MYRIP: variants seen among roughly 807,000 people sequenced by gnomAD.
MYRIP encodes the protein rab effector MyRIP.
A neutral mutation model predicts 98.0 loss-of-function variants in MYRIP; 49 were observed. The ratio of observed to expected loss-of-function variants is 0.50; its 90% CI spans 0.40 to 0.63. MYRIP has a LOEUF of 0.63. Ranked by LOEUF, MYRIP falls within the 30% of genes least tolerant of loss-of-function variation. The probability of loss-of-function intolerance (pLI) is 0.00; values close to 1 mark genes in which losing one functional copy is unlikely to be tolerated. For synonymous variants in MYRIP, 404 were observed against 409.5 expected (o/e 0.99, Z 0.16); for missense variants, 1,004 against 1,058.2 (o/e 0.95, Z 0.71).
At chr3:40,257,793 T>A (rs1442405370) in intron 16 of MYRIP, among the ~76,000 whole-genome samples, 5 of 152,074 alleles carry the variant, frequency 3.3e-5, no homozygotes, top group African/African-American at 9.7e-5. Flanking sequence ...CAACCACATA[T>A]GAGAATGTGT....
chr3:40,037,785 C>A (rs1322093280), intron 2 of MYRIP, among the ~76,000 whole-genome samples: 5 of 152,040 alleles, frequency 3.3e-5, no homozygotes, highest in Admixed American at 6.6e-5. Context: ...AAGAATGTAA[C>A]CATTTACATC....
chr3:39,880,329 G>A (rs914755715), intron 1 of MYRIP, among the ~76,000 whole-genome samples: 4 of 152,106 alleles, frequency 2.6e-5, no homozygotes, highest in Admixed American at 6.5e-5. Flanking sequence ...GCTAATGTAC[G>A]CAATCTAGTT....
At chr3:39,867,052 G>A (rs979282025) in intron 1 of MYRIP, among the ~76,000 whole-genome samples, 6 of 152,140 alleles carry the variant, frequency 3.9e-5, no homozygotes, top group Admixed American at 2.0e-4. Flanking sequence ...ATACCTAATA[G>A]TGAAACCAAG....
chr3:40,095,017 C>G (rs1948799495), intron 3 of MYRIP, among the ~76,000 whole-genome samples: 1 of 152,160 alleles, frequency 6.6e-6, no homozygotes, highest in Non-Finnish European at 1.5e-5. Context: ...TTGTCTCCTC[C>G]TCACCTAATT....
intron 3 of MYRIP, among the ~76,000 whole-genome samples, chr3:40,095,542 G>T (rs775681240): frequency 2.6e-5 from 4 of 152,122 alleles, no homozygotes; most frequent in Admixed American, 6.5e-5. Flanking sequence ...AGGTAGTCAT[G>T]GGGGGAGAAT....
At chr3:39,897,967 C>T (rs1425821483) in intron 1 of MYRIP, among the ~76,000 whole-genome samples, 1 of 152,034 alleles carries the variant, frequency 6.6e-6, no homozygotes, top group Non-Finnish European at 1.5e-5. Context: ...GAAATGTCAC[C>T]TTCCAGGAAA....
intron 11 of MYRIP, among the ~76,000 whole-genome samples, chr3:40,217,656 C>T (rs1405185065): frequency 6.6e-6 from 1 of 152,052 alleles, no homozygotes; most frequent in East Asian, 1.9e-4. Context: ...GACCTTTTTA[C>T]AAGTTTGATG....
chr3:39,817,457 G>C (rs1233582131), intron 1 of MYRIP, among the ~76,000 whole-genome samples: 5 of 152,016 alleles, frequency 3.3e-5, no homozygotes, highest in Non-Finnish European at 7.4e-5. Flanking sequence ...TTTATTTTAA[G>C]GTAGCATTTT....
intron 3 of MYRIP, among the ~76,000 whole-genome samples, chr3:40,147,834 AT>A (rs1950040138): frequency 6.6e-6 from 1 of 152,156 alleles, no homozygotes; most frequent in African/African-American, 2.4e-5. Flanking sequence ...TGAATGCCCC[AT>A]TTGGGCTGCC....
chr3:40,047,060 C>T (rs1341811661), intron 3 of MYRIP, among the ~76,000 whole-genome samples: 1 of 152,162 alleles, frequency 6.6e-6, no homozygotes, highest in African/African-American at 2.4e-5. Flanking sequence ...AGTTGATGCA[C>T]CACCTCAGAA....
At chr3:40,056,107 G>A (rs750667193) in intron 3 of MYRIP, among the ~76,000 whole-genome samples, 3 of 152,166 alleles carry the variant, frequency 2.0e-5, no homozygotes, top group Non-Finnish European at 2.9e-5. Flanking sequence ...GCTCTTTAGC[G>A]AGCTTGTGTG....
intron 4 of MYRIP, among the ~76,000 whole-genome samples, chr3:40,159,209 G>A (rs980059920): frequency 3.8e-4 from 58 of 151,628 alleles, no homozygotes; most frequent in African/African-American, 1.4e-3. Flanking sequence ...AAATCTCTCA[G>A]CATTTGCTTG....
At chr3:39,908,444 C>T (rs1264105107) in intron 2 of MYRIP, among the ~76,000 whole-genome samples, 1 of 152,132 alleles carries the variant, frequency 6.6e-6, no homozygotes, top group Admixed American at 6.5e-5. Flanking sequence ...CCCCATTGCT[C>T]AGGTCTAAGT....
intron 2 of MYRIP, among the ~76,000 whole-genome samples, chr3:39,919,727 T>TGTGTGTGAGAGAGA (rs1553645683): frequency 2.4e-5 from 3 of 123,382 alleles, no homozygotes; most frequent in African/African-American, 9.2e-5. Context: ...TGTGTGTGTG[T>TGTGTGTGAGAGAGA]GAGAGAGAGA....
chr3:39,848,647 C>T (rs1165125726), intron 1 of MYRIP, among the ~76,000 whole-genome samples: 2 of 152,138 alleles, frequency 1.3e-5, no homozygotes, highest in African/African-American at 4.8e-5. Flanking sequence ...TTTCAGATGA[C>T]AAATATTTAA....
At chr3:40,096,142 C>G (rs1314029719) in intron 3 of MYRIP, among the ~76,000 whole-genome samples, 2 of 151,790 alleles carry the variant, frequency 1.3e-5, no homozygotes, top group African/African-American at 4.8e-5. Context: ...TTTTCTCGGG[C>G]CATTCTACCT....
chr3:40,177,350 T>C (rs1271263100), intron 8 of MYRIP, among the ~76,000 whole-genome samples: 1 of 152,188 alleles, frequency 6.6e-6, no homozygotes, highest in East Asian at 1.9e-4. Context: ...GGTATCATTA[T>C]ATCCTGAGAC....
chr3:39,977,592 A>G (rs1354892073), intron 2 of MYRIP, among the ~76,000 whole-genome samples: 1 of 152,168 alleles, frequency 6.6e-6, no homozygotes, highest in Admixed American at 6.5e-5. Flanking sequence ...TGGCATGGTA[A>G]CTTTGGGTTA....
intron 2 of MYRIP, among the ~76,000 whole-genome samples, chr3:39,999,219 A>T (rs1224515854): frequency 6.6e-6 from 1 of 152,230 alleles, no homozygotes; most frequent in Non-Finnish European, 1.5e-5. Flanking sequence ...AGCAAAAGAA[A>T]CTACCATCAG....
Sources: allele counts gnomAD v4.1 joint callset (sites outside exome capture counted in the v4.1 genomes callset), GRCh38; gene constraint gnomAD v4.1.1; transcripts MANE v1.5; gene names NCBI Gene and HGNC (gene_info 2026-07-23, HGNC 2026-07-21).